Variants in HJURP observed in about 807,000 individuals in gnomAD.
The protein encoded by HJURP is Holliday junction recognition protein, also known as 14-3-3-associated AKT substrate.
In HJURP, 49 loss-of-function variants were observed where a neutral mutation model predicts 72.0. The observed-to-expected ratio is 0.68, with a 90% CI of 0.54 to 0.86. HJURP has a LOEUF of 0.86. HJURP is among the 40% of genes least tolerant of loss of function. The probability of loss-of-function intolerance (pLI) is 0.00; values close to 1 mark genes in which losing one functional copy is unlikely to be tolerated. For missense variants in HJURP, 908 were observed against 936.3 expected (o/e 0.97, Z 0.39); for synonymous variants, 357 against 347.1 (o/e 1.03, Z -0.32).
intron 7 of HJURP, among the ~76,000 whole-genome samples, chr2:233,843,645 C>A (rs1040591905): frequency 6.6e-6 from 1 of 152,126 alleles, no homozygotes. Flanking sequence ...CTAAACGCAA[C>A]GGTGGTACCA....
chr2:233,853,587 C>T (rs1705546579), intron 2 of HJURP, among the ~76,000 whole-genome samples: 1 of 152,214 alleles, frequency 6.6e-6, no homozygotes, highest in South Asian at 2.1e-4. Context: ...AACTGCCCCA[C>T]GCTGCCATGG....
At position 233,850,965 on chromosome 2, in the gene HJURP, T is replaced by A. The variant is rs561874129; in HGVS notation, c.241-1106A>T. Among the ~76,000 whole-genome samples the A allele has an allele frequency of 5.3e-5, 8 of 152,306 alleles. 1 individual carries two copies. The South Asian group carries it at 1.7e-3, about 32-fold the overall frequency. The stretch of plus-strand genomic sequence containing the variant: ...GAGCACCAAGTCGTCTGGGAAAAGG[T>A]GAAGGCGGATCTGGACACTGTCACC... On this transcript the variant is annotated intron_variant, in intron 3 of 8. Coordinates refer to ENST00000411486, the MANE Select transcript of HJURP (RefSeq NM_018410.5).
chr2:233,852,681 T>A (rs2124979176), intron 2 of HJURP, 61 bp from the exon 3 acceptor site: 1 of 1,287,576 alleles, frequency 7.8e-7, no homozygotes, highest in Admixed American at 1.7e-5. Context: ...TTCTGCTCAA[T>A]CTGTGTTCAC....
At chr2:233,843,600 G>A (rs1315561481) in intron 7 of HJURP, among the ~76,000 whole-genome samples, 1 of 152,186 alleles carries the variant, frequency 6.6e-6, no homozygotes, top group Non-Finnish European at 1.5e-5. Context: ...CCATGAGGGA[G>A]AAAATGCCAA....
rs1464011338 is a variant in HJURP, at chr2:233,837,489, A to C, written c.*88T>G. 1 of 894,176 alleles carries C rather than the reference A, an allele frequency of 1.1e-6. No homozygotes were observed. The highest frequency in any genetic ancestry group is 1.8e-6 in the Non-Finnish European group (1 of 540,792). The allele number at this position is 894,176 out of a possible 1,614,324, so 55.4% of individuals were successfully genotyped here. ...ACTTTAAGGGCAGAGAAGTCAACCA[A>C]GTCCTCACAGTCTCAAGAATCAAAA... On this transcript the variant is annotated 3_prime_UTR_variant, in exon 9 of 9. Transcript: ENST00000411486.
chr2:233,844,718 A>T (rs1705313227), intron 6 of HJURP, among the ~76,000 whole-genome samples: 1 of 152,228 alleles, frequency 6.6e-6, no homozygotes, highest in Non-Finnish European at 1.5e-5. Flanking sequence ...GGGTTAAAGG[A>T]AAAAGCATTT....
In HJURP at chr2:233,841,160, A is replaced by G; in HGVS notation, c.1620T>C (p.Ser540=). Residue 540 remains serine (S), a synonymous_variant, in exon 8 of 9, where the codon TCT becomes TCC. Coordinates refer to ENST00000411486, the MANE Select transcript of HJURP (RefSeq NM_018410.5). Reference sequence around the variant, plus strand: ...AACTATTTCCCTGAACGTGAAGGTCAGATGTCTGCTGCGGGCGAGTTGCGC... The same window carrying G: ...AACTATTTCCCTGAACGTGAAGGTCGGATGTCTGCTGCGGGCGAGTTGCGC... ...THSATRPQQT[S]DLHVQGNSSG... is the part of the protein sequence containing the mutation. 2 of 1,614,206 alleles carry G rather than the reference A, an allele frequency of 1.2e-6. No individual in the cohort carries two copies. Among genetic ancestry groups the G allele is most frequent in the South Asian group, 2.2e-5 (2 of 91,086 alleles).
At chr2:233,842,720 G>T (rs544317042) in intron 7 of HJURP, among the ~76,000 whole-genome samples, 1 of 152,274 alleles carries the variant, frequency 6.6e-6, no homozygotes, top group Non-Finnish European at 1.5e-5. Context: ...GCCTCTTAAA[G>T]AGATATTGTC....
chr2:233,837,901 C>A (rs1403575594), intron 8 of HJURP, among the ~76,000 whole-genome samples: 2 of 152,250 alleles, frequency 1.3e-5, no homozygotes, highest in African/African-American at 4.8e-5. Context: ...ATCCCACACC[C>A]TGGCCCAGCT....
chr2:233,845,507 C>G (rs1209345240), intron 6 of HJURP, among the ~76,000 whole-genome samples: 30 of 152,166 alleles, frequency 2.0e-4, no homozygotes, highest in Non-Finnish European at 4.4e-5. Context: ...GCACCCCTGC[C>G]AGGGCTCCCA....
intron 2 of HJURP, 131 bp downstream of exon 2, chr2:233,853,713 A>C: frequency 1.5e-6 from 1 of 681,924 alleles, no homozygotes; most frequent in Non-Finnish European, 2.5e-6. Flanking sequence ...TTACAGGTTT[A>C]AGGGCACCAA....
rs1169244808 is a variant in HJURP, at chr2:233,841,067, G to A, written c.1713C>T (p.Gly571=). 2 of 1,614,104 alleles carry A rather than the reference G, an allele frequency of 1.2e-6. No individual in the cohort carries two copies. Among genetic ancestry groups the A allele is most frequent in the South Asian group, 1.1e-5 (1 of 91,076 alleles). Residue 571 remains glycine, a synonymous_variant, in exon 8 of 9, where the codon GGC becomes GGT. Transcript: ENST00000411486. The stretch of plus-strand genomic sequence containing the variant: ...TTTCATCGTAACGATTCCTTCCGTG[G>A]CCTGGCACTTCTTTATCTGGGACTG... ...TLSVPDKEVP[G]HGRNRYDEIK...
In HJURP at chr2:233,840,786, G is replaced by A. The variant is rs1559495515; in HGVS notation, c.1994C>T (p.Ala665Val). ...AIEAPSSTCV[A>V]RAITRDGTRD... ...CGTGCCATCCCTCGTGATGGCACGA[G>A]CAACACATGTAGATGAAGGAGCCTC... is the stretch of plus-strand genomic sequence containing the variant. The change falls in exon 8 of 9, where the codon GCT (alanine) becomes GTT (valine). Residue 665 changes from alanine to valine, a missense_variant. Ala to Val is a moderately conservative substitution (Grantham distance 64). Around this residue, in one of 3 missense-constraint regions of HJURP, gnomAD observed 598 missense variants for 619.5 expected, o/e 0.97. Coordinates refer to ENST00000411486, the MANE Select transcript of HJURP (RefSeq NM_018410.5). The A allele has an allele frequency of 5.0e-6, 8 of 1,613,574 alleles. No homozygotes were observed. Among genetic ancestry groups the A allele is most frequent in the Non-Finnish European group, 6.8e-6 (8 of 1,179,866 alleles).
At chr2:233,845,228 T>C (rs891053112) in intron 6 of HJURP, among the ~76,000 whole-genome samples, 1 of 152,052 alleles carries the variant, frequency 6.6e-6, no homozygotes, top group East Asian at 1.9e-4. Flanking sequence ...CTCAGCTCAC[T>C]GCAACCTCCG....
rs750589979 is a variant in HJURP at position 233,841,146 on chromosome 2, T to G, written c.1634A>C (p.Gln545Pro). Residue 545 changes from glutamine (Q) to proline (P), a missense_variant, in exon 8 of 9, where the codon CAG becomes CCG. By Grantham distance (76) the Gln-to-Pro change is moderately conservative. Transcript: ENST00000411486. ...TCTAAATATTCCAGAACTATTTCCC[T>G]GAACGTGAAGGTCAGATGTCTGCTG... is the stretch of plus-strand genomic sequence containing the variant. ...RPQQTSDLHVQGNSSGIFRKS... is the reference protein window; with the variant it reads ...RPQQTSDLHVPGNSSGIFRKS... 2 of 1,614,094 alleles carry G rather than the reference T, an allele frequency of 1.2e-6. No individual in the cohort carries two copies. The highest frequency in any genetic ancestry group is 2.7e-5 in the African/African-American group (2 of 74,922).
chr2:233,849,271 G>T (rs181463395), intron 4 of HJURP, among the ~76,000 whole-genome samples: 1 of 152,156 alleles, frequency 6.6e-6, no homozygotes, highest in East Asian at 1.9e-4. Context: ...GAGTCTGAGC[G>T]CATCTAAATA....
intron 2 of HJURP, 70 bp downstream of exon 2, chr2:233,853,774 A>C: frequency 7.9e-7 from 1 of 1,260,112 alleles, no homozygotes; most frequent in African/African-American, 1.5e-5. Context: ...TTAAGAGAGC[A>C]GGGACAGCAT....
chr2:233,851,005 T>C (rs764980112), intron 3 of HJURP, among the ~76,000 whole-genome samples: 14 of 152,180 alleles, frequency 9.2e-5, no homozygotes, highest in Non-Finnish European at 1.5e-4. Context: ...GCAATTACAG[T>C]GAAGTCAGAG....
At chr2:233,852,792 A>C (rs553458106) in intron 2 of HJURP, among the ~76,000 whole-genome samples, 172 bp from the exon 3 acceptor site, 1 of 152,360 alleles carries the variant, frequency 6.6e-6, no homozygotes, top group Admixed American at 6.5e-5. Context: ...TCAGGTTTTT[A>C]AGGCAAATTC....
Sources: allele counts gnomAD v4.1 joint callset (sites outside exome capture counted in the v4.1 genomes callset), GRCh38; gene constraint gnomAD v4.1.1; regional missense constraint gnomAD v4.1.1; transcripts MANE v1.5; gene names NCBI Gene and HGNC (gene_info 2026-07-23, HGNC 2026-07-21).